The following RAB3B variants were observed in gnomAD, a reference collection of about 807,000 sequenced individuals.
RAB3B encodes the protein RAB3B, member RAS oncogene family.
In RAB3B, 11 loss-of-function variants were observed where a neutral mutation model predicts 20.5. The observed-to-expected ratio is 0.54, with a 90% CI of 0.34 to 0.89. The LOEUF is 0.89. Among genes scored for constraint, RAB3B ranks in the 40% least tolerant of loss-of-function variants. RAB3B has a pLI of 0.02. For missense variants in RAB3B, 225 were observed against 280.9 expected, an observed-to-expected ratio of 0.80 and a Z score of 1.42; for synonymous variants, 99 against 106.3, an observed-to-expected ratio of 0.93 and a Z score of 0.42.
In RAB3B at chr1:51,909,717, G is replaced by A. The variant is rs1373597436; in HGVS notation, c.*10210C>T. On this transcript the variant is annotated 3_prime_UTR_variant, in exon 5 of 5. Transcript: ENST00000371655. ...TCCTGGACTCTCCTCCCTTGGTCCT[G>A]ACTGGATTCTTCTACCCTGATCCAC... The A allele has an allele frequency of 6.6e-6, 1 of 152,238 alleles. No individual in the cohort carries two copies. The highest frequency in any genetic ancestry group is 2.4e-5 in the African/African-American group (1 of 41,422). The allele number at this position is 152,238 out of a possible 1,614,324, so 9.4% of individuals were successfully genotyped here. A position where few individuals can be genotyped will look rare whatever the true frequency, so the allele number is the denominator to read the frequency against.
intron 1 of RAB3B, among the ~76,000 whole-genome samples, chr1:51,987,965 G>C (rs1391593491): frequency 2.6e-5 from 4 of 151,910 alleles, no homozygotes; most frequent in Non-Finnish European, 5.9e-5. Flanking sequence ...GTAGCTTCAG[G>C]TTCCTGGGCT....
chr1:51,977,199 A>G, intron 1 of RAB3B, 82 bp from the exon 2 acceptor site: 1 of 986,510 alleles, frequency 1.0e-6, no homozygotes, highest in Admixed American at 1.8e-5. Flanking sequence ...TCACCCCACC[A>G]TTCACACACT....
At chr1:51,973,321 CT>C (rs1373147143) in intron 2 of RAB3B, 2 of 152,070 alleles carry the variant, frequency 1.3e-5, no homozygotes, top group Non-Finnish European at 2.9e-5. Flanking sequence ...GTCCAGAAAA[CT>C]TTATTTTTGC....
At position 51,912,115 on chromosome 1, in the gene RAB3B, T is replaced by TTC. The variant is rs1557957713; in HGVS notation, c.*7811_*7812insGA. 6.8e-6 allele frequency: 1 copy of TTC among 148,032 alleles called. No homozygotes were observed. Among genetic ancestry groups the TTC allele is most frequent in the African/African-American group, 2.5e-5 (1 of 40,144 alleles). 9.2% of individuals were successfully genotyped at this position (148,032 alleles called of 1,614,324 possible). On this transcript the variant is annotated 3_prime_UTR_variant, in exon 5 of 5. Coordinates refer to ENST00000371655, the MANE Select transcript of RAB3B (RefSeq NM_002867.4). Reference sequence around the variant, plus strand: ...CCTTTTCTTCTTTTTTTTCTTTCTTTCTTTCTTTTTTTTTTTTTTTTGAGA... The same window carrying TTC: ...CCTTTTCTTCTTTTTTTTCTTTCTTTTCCTTTCTTTTTTTTTTTTTTTTGAGA...
intron 2 of RAB3B, among the ~76,000 whole-genome samples, chr1:51,944,372 G>A (rs1464662858): frequency 6.6e-6 from 1 of 152,194 alleles, no homozygotes. Context: ...TATACAAGGA[G>A]ATTAATGTCT....
chr1:51,930,765 C>A (rs1397219941), intron 4 of RAB3B, among the ~76,000 whole-genome samples: 1 of 152,114 alleles, frequency 6.6e-6, no homozygotes, highest in East Asian at 1.9e-4. Flanking sequence ...CCTATAATCC[C>A]AGCACTTTGG....
intron 2 of RAB3B, 117 bp from the exon 3 acceptor site, chr1:51,937,529 C>T (rs1350762850): frequency 8.4e-6 from 5 of 593,500 alleles, no homozygotes; most frequent in African/African-American, 5.7e-5. Context: ...TGGAGTTTTG[C>T]TCTTGTTGCC....
At chr1:51,958,656 G>A (rs1684743655) in intron 2 of RAB3B, among the ~76,000 whole-genome samples, 1 of 151,954 alleles carries the variant, frequency 6.6e-6, no homozygotes, top group African/African-American at 2.4e-5. Context: ...CCGGGAGGCG[G>A]AGGTTGCGGT....
chr1:51,917,348 G>A lies in RAB3B; in HGVS notation c.*2579C>T, dbSNP rs1045138896. ...AGACACCGAGTTATTAGTGCCAAAA[G>A]AGACCTTAAAGATCATCCAAATAAG... On this transcript the variant is annotated 3_prime_UTR_variant, in exon 5 of 5. Transcript: ENST00000371655. 5 of 152,096 alleles carry A rather than the reference G, an allele frequency of 3.3e-5. No homozygotes were observed. Among genetic ancestry groups the A allele is most frequent in the Non-Finnish European group, 7.4e-5 (5 of 68,012 alleles). The allele number at this position is 152,096 out of a possible 1,614,324, so 9.4% of individuals were successfully genotyped here. A position where few individuals can be genotyped will look rare whatever the true frequency, so the allele number is the denominator to read the frequency against.
chr1:51,967,515 C>CTTTTTATTTTTTTTTTTTT (rs67927521), intron 2 of RAB3B, among the ~76,000 whole-genome samples: 2 of 16,434 alleles, frequency 1.2e-4, no homozygotes, highest in Non-Finnish European at 5.3e-4. Context: ...CTTTTCTTTT[C>CTTTTTATTTTTTTTTTTTT]TTTTTCTTTT....
chr1:51,941,345 C>T (rs760224847), intron 2 of RAB3B, among the ~76,000 whole-genome samples: 10 of 151,970 alleles, frequency 6.6e-5, no homozygotes, highest in Non-Finnish European at 1.2e-4. Context: ...AAGGGATTAA[C>T]GTAATTAGAT....
Position 51,937,518 on chromosome 1 carries a change from A to T in RAB3B, c.229-106T>A, listed in dbSNP as rs1448898167. On this transcript the variant is annotated intron_variant, in intron 2 of 4. Coordinates refer to ENST00000371655, the MANE Select transcript of RAB3B (RefSeq NM_002867.4). ...ACCCAAGACATTTTTTTTTTTTGAGATGGAGTTTTGCTCTTGTTGCCCAGG... is the reference window on the plus strand; with the variant it reads ...ACCCAAGACATTTTTTTTTTTTGAGTTGGAGTTTTGCTCTTGTTGCCCAGG... 3 of 698,216 alleles carry T rather than the reference A, an allele frequency of 4.3e-6. No homozygotes were observed. The Admixed American group carries it at 8.5e-5, about 20-fold the overall frequency. The allele number at this position is 698,216 out of a possible 1,614,324, so 43.3% of individuals were successfully genotyped here.
intron 2 of RAB3B, among the ~76,000 whole-genome samples, chr1:51,942,829 G>C (rs1027445174): frequency 1.3e-5 from 2 of 152,076 alleles, no homozygotes. Context: ...TCATGTCTCT[G>C]TGTCACATTT....
intron 2 of RAB3B, among the ~76,000 whole-genome samples, chr1:51,965,444 C>T (rs1007670626): frequency 1.2e-4 from 18 of 151,952 alleles, no homozygotes; most frequent in African/African-American, 4.4e-4. Context: ...GTCAGGAGTT[C>T]GAGACCAGCC....
intron 2 of RAB3B, among the ~76,000 whole-genome samples, chr1:51,938,536 A>G (rs912517485): frequency 3.9e-5 from 6 of 152,210 alleles, no homozygotes; most frequent in Non-Finnish European, 8.8e-5. Flanking sequence ...TAACGATATG[A>G]GACAATACTT....
At chr1:51,967,694 T>A (rs567353137) in intron 2 of RAB3B, among the ~76,000 whole-genome samples, 131 of 151,528 alleles carry the variant, frequency 8.6e-4, no homozygotes, top group African/African-American at 3.0e-3. Context: ...CAGCTTATTT[T>A]TAAATTTTTT....
chr1:51,960,757 C>T (rs1684774005), intron 2 of RAB3B, among the ~76,000 whole-genome samples: 1 of 152,184 alleles, frequency 6.6e-6, no homozygotes, highest in Admixed American at 6.5e-5. Flanking sequence ...CAACTCACAA[C>T]TAATTTCTCT....
At chr1:51,988,569 T>C (rs1377786846) in intron 1 of RAB3B, among the ~76,000 whole-genome samples, 1 of 152,202 alleles carries the variant, frequency 6.6e-6, no homozygotes, top group East Asian at 1.9e-4. Context: ...TACATTGTTT[T>C]ACAGTTTACA....
In RAB3B at chr1:51,976,940, T is replaced by C; in HGVS notation, c.178A>G (p.Lys60Glu). Reference protein sequence around the residue: ...AFVSTVGIDFKVKTVYRHEKR... With the variant: ...AFVSTVGIDFEVKTVYRHEKR... ...TCGTGACGGTAGACTGTCTTCACCT[T>C]GAAGTCGATGCCCACGGTGCTAACG... Residue 60 changes from lysine to glutamate, a missense_variant, in exon 2 of 5, where the codon AAG becomes GAG. Transcript: ENST00000371655. 3 of 1,614,232 alleles carry C rather than the reference T, an allele frequency of 1.9e-6. No homozygotes were observed. The highest frequency in any genetic ancestry group is 2.5e-6 in the Non-Finnish European group (3 of 1,180,050).
Sources: allele counts gnomAD v4.1 joint callset (sites outside exome capture counted in the v4.1 genomes callset), GRCh38; gene constraint gnomAD v4.1.1; transcripts MANE v1.5; gene names NCBI Gene and HGNC (gene_info 2026-07-23, HGNC 2026-07-21).